Variants in ZDHHC17 observed in about 807,000 individuals in gnomAD.
ZDHHC17 encodes the protein palmitoyltransferase ZDHHC17.
A neutral mutation model predicts 90.3 loss-of-function variants in ZDHHC17; 40 were observed. That is an observed-to-expected ratio of 0.44 (90% CI 0.34 to 0.58). ZDHHC17 has a LOEUF of 0.58. Among genes scored for constraint, ZDHHC17 ranks in the 20% least tolerant of loss-of-function variants. ZDHHC17 has a pLI of 0.01. For missense variants in ZDHHC17, 614 were observed against 780.8 expected, an observed-to-expected ratio of 0.79 and a Z score of 2.55; for synonymous variants, 235 against 252.4, an observed-to-expected ratio of 0.93 and a Z score of 0.65.
chr12:76,840,959 C>T (rs1565806236), intron 10 of ZDHHC17: 1 of 152,238 alleles, frequency 6.6e-6, no homozygotes, highest in East Asian at 1.9e-4. Flanking sequence ...ACACTTTATT[C>T]TCCAGAATAA....
At chr12:76,788,496 G>A (rs1157972986) in intron 1 of ZDHHC17, among the ~76,000 whole-genome samples, 1 of 152,010 alleles carries the variant, frequency 6.6e-6, no homozygotes, top group Non-Finnish European at 1.5e-5. Flanking sequence ...TATATTGAAA[G>A]CATAAATGAA....
intron 1 of ZDHHC17, among the ~76,000 whole-genome samples, chr12:76,783,819 A>G (rs910132223): frequency 1.3e-4 from 20 of 152,262 alleles, no homozygotes; most frequent in African/African-American, 4.1e-4. Context: ...ATATATCCAT[A>G]TAAGAGGGAG....
In ZDHHC17 at chr12:76,809,871, CAGT is replaced by C. The variant is rs1367444947; in HGVS notation, c.543+15_543+17del. On this transcript the variant is annotated intron_variant, in intron 5 of 16. Transcript: ENST00000426126. ...GCAAAAGGACAGGTAAAAAAAATCTCAGTGGTATGGATTTTAATCAGATGTTCT... is the reference window on the plus strand; with the variant it reads ...GCAAAAGGACAGGTAAAAAAAATCTCGGTATGGATTTTAATCAGATGTTCT... 1.2e-6 allele frequency: 2 copies of C among 1,605,376 alleles called. No individual in the cohort carries two copies. The highest frequency in any genetic ancestry group is 1.3e-5 in the African/African-American group (1 of 74,700).
At chr12:76,770,126 G>C (rs1952476274) in intron 1 of ZDHHC17, among the ~76,000 whole-genome samples, 1 of 152,180 alleles carries the variant, frequency 6.6e-6, no homozygotes, top group South Asian at 2.1e-4. Flanking sequence ...TACTTTATGA[G>C]GCTGTTGTGA....
intron 2 of ZDHHC17, among the ~76,000 whole-genome samples, chr12:76,800,906 T>TTTA (rs1555183481): frequency 8.7e-5 from 13 of 149,174 alleles, no homozygotes; most frequent in African/African-American, 2.5e-4. Flanking sequence ...TTTTTTTTTT[T>TTTA]AGACAGAGTC....
intron 1 of ZDHHC17, among the ~76,000 whole-genome samples, chr12:76,772,187 A>G (rs1952500159): frequency 6.6e-6 from 1 of 152,242 alleles, no homozygotes; most frequent in Non-Finnish European, 1.5e-5. Context: ...GCCTGTTTTT[A>G]TAGCACAATA....
intron 1 of ZDHHC17, among the ~76,000 whole-genome samples, chr12:76,777,345 GGTT>G (rs773448201): frequency 5.8e-4 from 89 of 152,286 alleles, no homozygotes; most frequent in Middle Eastern, 3.4e-3. Flanking sequence ...AGAGTCATCA[GGTT>G]GTTGTGTGTA....
chr12:76,766,811 GGA>G, intron 1 of ZDHHC17, among the ~76,000 whole-genome samples: 2 of 152,198 alleles, frequency 1.3e-5, no homozygotes, highest in Middle Eastern at 3.4e-3. Flanking sequence ...CTTGAGCCCA[GGA>G]GTTCGAGACC....
intron 2 of ZDHHC17, among the ~76,000 whole-genome samples, chr12:76,797,941 CCACACACACACACACACA>C (rs60610921): frequency 2.7e-5 from 4 of 147,588 alleles, no homozygotes; most frequent in African/African-American, 1.0e-4. Flanking sequence ...TGAAACTCTG[CCACACACACACACACACA>C]CACACACACA....
chr12:76,779,159 A>G (rs981232097), intron 1 of ZDHHC17, among the ~76,000 whole-genome samples: 48 of 151,970 alleles, frequency 3.2e-4, no homozygotes, highest in African/African-American at 1.1e-3. Context: ...CCTATTTCCT[A>G]GTTGATTATT....
rs55884633 is a variant in ZDHHC17 at position 76,853,273 on chromosome 12, TTTAA to T, written c.*2292_*2295del. On this transcript the variant is annotated 3_prime_UTR_variant, in exon 17 of 17. Transcript: ENST00000426126. ...CAGCTATGCAGCAGTATACCATCTGTTTAATTATTTTGTAGGTCCTGTGTGTGGA... is the reference window on the plus strand; with the variant it reads ...CAGCTATGCAGCAGTATACCATCTGTTTATTTTGTAGGTCCTGTGTGTGGA... The T allele has an allele frequency of 0.14, 21,841 of 152,356 alleles. 1,931 individuals carry two copies. Among genetic ancestry groups the T allele is most frequent in the Non-Finnish European group, 0.2 (13,590 of 67,900 alleles). The allele number at this position is 152,356 out of a possible 1,614,324, so 9.4% of individuals were successfully genotyped here. A position where few individuals can be genotyped will look rare whatever the true frequency, so the allele number is the denominator to read the frequency against.
At chr12:76,832,526 A>G (rs1188810320) in intron 10 of ZDHHC17, among the ~76,000 whole-genome samples, 1 of 152,254 alleles carries the variant, frequency 6.6e-6, no homozygotes, top group Non-Finnish European at 1.5e-5. Context: ...AACAGTATTG[A>G]TCATCAGTTG....
rs998026763 is a variant in ZDHHC17, at chr12:76,801,581, G to T, written c.198-3736G>T. On this transcript the variant is annotated intron_variant, in intron 2 of 16. Coordinates refer to ENST00000426126, the MANE Select transcript of ZDHHC17 (RefSeq NM_015336.4). The stretch of plus-strand genomic sequence containing the variant: ...AAGCAGGAGAATGGCGTGAACCTGG[G>T]AGGCGGAGCTTGCAGTGAGCCGAGA... Among the ~76,000 whole-genome samples the T allele has an allele frequency of 4.6e-5, 7 of 152,146 alleles. No homozygotes were observed. The South Asian group carries it at 1.5e-3, about 32-fold the overall frequency.
At chr12:76,787,407 T>C (rs1270964362) in intron 1 of ZDHHC17, among the ~76,000 whole-genome samples, 1 of 152,220 alleles carries the variant, frequency 6.6e-6, no homozygotes, top group Admixed American at 6.5e-5. Flanking sequence ...TTTTTATCCA[T>C]ATACAGTGTT....
intron 12 of ZDHHC17, chr12:76,844,663 G>A (rs1953472711): frequency 6.6e-6 from 1 of 152,162 alleles, no homozygotes; most frequent in Non-Finnish European, 1.5e-5. Context: ...CAACTGTGGT[G>A]AAGAATAACT....
intron 14 of ZDHHC17, 32 bp from the exon 15 acceptor site, chr12:76,848,201 A>G (rs1953518219): frequency 1.2e-6 from 2 of 1,610,548 alleles, no homozygotes; most frequent in Admixed American, 3.3e-5. Flanking sequence ...ATGATTATTG[A>G]GTAAATACGA....
chr12:76,793,973 C>A (rs1432423614), intron 1 of ZDHHC17, among the ~76,000 whole-genome samples: 2 of 152,124 alleles, frequency 1.3e-5, no homozygotes, highest in Non-Finnish European at 2.9e-5. Flanking sequence ...GCAAGCTCCA[C>A]CTCCTGGGTT....
chr12:76,771,734 C>G (rs1216753170), intron 1 of ZDHHC17, among the ~76,000 whole-genome samples: 3 of 151,592 alleles, frequency 2.0e-5, no homozygotes, highest in Non-Finnish European at 4.4e-5. Flanking sequence ...CAAAACTATC[C>G]CTATTCTCAT....
At chr12:76,827,632 T>C (rs1488049558) in intron 9 of ZDHHC17, among the ~76,000 whole-genome samples, 1 of 152,118 alleles carries the variant, frequency 6.6e-6, no homozygotes, top group Non-Finnish European at 1.5e-5. Context: ...GAATTTCCCA[T>C]CTAATTTCCA....
Sources: gnomAD v4.1 joint callset for allele counts (sites outside exome capture counted in the v4.1 genomes callset) on GRCh38, gnomAD v4.1.1 for gene constraint, MANE v1.5 for transcripts, NCBI Gene and HGNC (gene_info 2026-07-23, HGNC 2026-07-21) for gene names.